The following PAN3 variants were observed in gnomAD, a reference collection of about 807,000 sequenced individuals.
PAN3 encodes the protein poly(A) specific ribonuclease subunit PAN3, also known as PAN2-PAN3 deadenylation complex subunit PAN3.
A neutral mutation model predicts 96.2 loss-of-function variants in PAN3; 19 were observed. That is an observed-to-expected ratio of 0.20 (90% CI 0.14 to 0.29). PAN3 has a LOEUF of 0.29. PAN3 is among the 10% of genes least tolerant of loss of function. PAN3 has a pLI of 1.00. For synonymous variants in PAN3, 433 were observed against 406.6 expected (o/e 1.06, Z -0.78); for missense variants, 882 against 1,108.1 (o/e 0.80, Z 2.90).
At chr13:28,229,880 G>A (rs192389909) in intron 6 of PAN3, among the ~76,000 whole-genome samples, 395 of 152,222 alleles carry the variant, frequency 2.6e-3, no homozygotes, top group Non-Finnish European at 3.2e-3. Context: ...TTGCTTTTCT[G>A]ATGTGTTCCC....
chr13:28,176,574 C>G lies in PAN3; in HGVS notation c.619+15C>G. ...TTCAGCCCATGGTAAGACCTGATCC[C>G]TTTTGCTTATGTGTGTCTGTGTATA... On this transcript the variant is annotated intron_variant, in intron 3 of 18. Coordinates refer to ENST00000380958, the MANE Select transcript of PAN3 (RefSeq NM_175854.8). 6.2e-7 allele frequency: 1 copy of G among 1,609,174 alleles called. No individual in the cohort carries two copies. Among genetic ancestry groups the G allele is most frequent in the Non-Finnish European group, 8.5e-7 (1 of 1,175,722 alleles).
At chr13:28,258,871 T>A (rs909313102) in intron 7 of PAN3, among the ~76,000 whole-genome samples, 19 of 152,238 alleles carry the variant, frequency 1.2e-4, no homozygotes, top group African/African-American at 4.6e-4. Context: ...TATCTCTAGA[T>A]TACTTATAAT....
chr13:28,280,440 C>T lies in PAN3; in HGVS notation c.2218C>T (p.Arg740Ter). 6.2e-7 allele frequency: 1 copy of T among 1,610,678 alleles called. No individual in the cohort carries two copies. Among genetic ancestry groups the T allele is most frequent in the Non-Finnish European group, 8.5e-7 (1 of 1,178,288 alleles). Residue 740 changes from arginine to a stop codon, truncating the protein, a stop_gained, in exon 16 of 19, where the codon CGA (arginine) becomes TGA (stop). Coordinates refer to ENST00000380958, the MANE Select transcript of PAN3 (RefSeq NM_175854.8). LOFTEE classifies it high-confidence loss of function. Reference protein sequence around the residue: ...LYLLTDQNRMRSVNDIMPMIG... With the variant: ...LYLLTDQNRM ...TTTGTTGACTGACCAAAACAGGATGCGAAGTGTAAATGACATCATGCCCAT... is the reference window on the plus strand; with the variant it reads ...TTTGTTGACTGACCAAAACAGGATGTGAAGTGTAAATGACATCATGCCCAT...
chr13:28,235,979 GC>G (rs1161715849), intron 6 of PAN3, among the ~76,000 whole-genome samples: 3 of 151,216 alleles, frequency 2.0e-5, no homozygotes. Flanking sequence ...TGATCCTCCT[GC>G]TTCCACCTCC....
At chr13:28,275,126 A>G (rs1233458642) in intron 14 of PAN3, among the ~76,000 whole-genome samples, 3 of 152,212 alleles carry the variant, frequency 2.0e-5, no homozygotes, top group Admixed American at 6.5e-5. Flanking sequence ...TAGCTGAGAA[A>G]TAAGGAAAGG....
intron 1 of PAN3, among the ~76,000 whole-genome samples, chr13:28,157,542 C>T (rs564629411): frequency 6.6e-6 from 1 of 152,208 alleles, no homozygotes; most frequent in African/African-American, 2.4e-5. Context: ...TACAAAAATC[C>T]GTAGCATATC....
chr13:28,278,647 G>A (rs1257757624), intron 15 of PAN3, among the ~76,000 whole-genome samples: 2 of 151,992 alleles, frequency 1.3e-5, no homozygotes, highest in African/African-American at 4.8e-5. Flanking sequence ...ATTAAACCAT[G>A]TATCGGGCCC....
intron 5 of PAN3, among the ~76,000 whole-genome samples, chr13:28,208,811 A>G (rs1879681758): frequency 6.6e-6 from 1 of 152,214 alleles, no homozygotes; most frequent in African/African-American, 2.4e-5. Flanking sequence ...TTAAATGTAC[A>G]ATCCATGTGA....
intron 1 of PAN3, among the ~76,000 whole-genome samples, chr13:28,144,789 T>C (rs1870403645): frequency 6.7e-6 from 1 of 149,238 alleles, no homozygotes; most frequent in Admixed American, 6.7e-5. Context: ...GGCGCCATCT[T>C]GGCTCACTGC....
chr13:28,268,603 A>C (rs1043277998), intron 12 of PAN3, among the ~76,000 whole-genome samples: 1 of 152,128 alleles, frequency 6.6e-6, no homozygotes, highest in African/African-American at 2.4e-5. Context: ...TCTATTCATT[A>C]ATTTATGTAT....
rs919385357 is a variant in PAN3 at position 28,154,792 on chromosome 13, G to A, written c.430+15705G>A. Among the ~76,000 whole-genome samples the A allele has an allele frequency of 3.3e-5, 5 of 150,966 alleles. No individual in the cohort carries two copies. The South Asian group carries it at 6.3e-4, about 19-fold the overall frequency. ...ATTACAGGTGTGAGCCACCACACTCGGCCTGACTTTGCAGGTTTTTTTTTT... is the reference window on the plus strand; with the variant it reads ...ATTACAGGTGTGAGCCACCACACTCAGCCTGACTTTGCAGGTTTTTTTTTT... On this transcript the variant is annotated intron_variant, in intron 1 of 18. Transcript: ENST00000380958.
At chr13:28,157,480 C>T (rs1872345324) in intron 1 of PAN3, among the ~76,000 whole-genome samples, 1 of 152,180 alleles carries the variant, frequency 6.6e-6, no homozygotes, top group South Asian at 2.1e-4. Flanking sequence ...TGCCCAGAAG[C>T]TCCTAAATCT....
chr13:28,279,644 C>CA (rs1323812340), intron 15 of PAN3, among the ~76,000 whole-genome samples: 4 of 151,134 alleles, frequency 2.6e-5, no homozygotes, highest in Admixed American at 6.6e-5. Flanking sequence ...CCTGTAGTCC[C>CA]AGTTATTCAC....
intron 1 of PAN3, among the ~76,000 whole-genome samples, chr13:28,140,129 A>G (rs766854165): frequency 1.3e-5 from 2 of 152,032 alleles, no homozygotes; most frequent in Non-Finnish European, 2.9e-5. Flanking sequence ...TTGTAGTTTT[A>G]GTTGAGATAG....
intron 6 of PAN3, among the ~76,000 whole-genome samples, chr13:28,231,910 A>AAAAT (rs1353650657): frequency 2.0e-5 from 3 of 152,134 alleles, no homozygotes; most frequent in East Asian, 1.9e-4. Flanking sequence ...TCTGAAAATG[A>AAAAT]AAATAAATAA....
chr13:28,201,461 G>T (rs139491727), intron 5 of PAN3, among the ~76,000 whole-genome samples: 2,079 of 152,192 alleles, frequency 0.014, 46 homozygotes, highest in African/African-American at 0.045. Flanking sequence ...CAGGAGAATG[G>T]TGTGAACCTG....
intron 17 of PAN3, among the ~76,000 whole-genome samples, chr13:28,287,272 G>A (rs1869105750): frequency 6.6e-6 from 1 of 152,040 alleles, no homozygotes; most frequent in South Asian, 2.1e-4. Context: ...TGTAATCATT[G>A]TTTTTACCTA....
chr13:28,164,147 A>G (rs898367507), intron 1 of PAN3, among the ~76,000 whole-genome samples: 2 of 152,192 alleles, frequency 1.3e-5, no homozygotes, highest in African/African-American at 4.8e-5. Flanking sequence ...AAATTCACCT[A>G]TTATAAGTAC....
At chr13:28,213,105 T>C (rs1880250003) in intron 5 of PAN3, among the ~76,000 whole-genome samples, 1 of 152,078 alleles carries the variant, frequency 6.6e-6, no homozygotes, top group Non-Finnish European at 1.5e-5. Flanking sequence ...CATTCTTGGA[T>C]TCAACCAATC....
Sources: gnomAD v4.1 joint callset for allele counts (sites outside exome capture counted in the v4.1 genomes callset) on GRCh38, gnomAD v4.1.1 for gene constraint, MANE v1.5 for transcripts, NCBI Gene and HGNC (gene_info 2026-07-23, HGNC 2026-07-21) for gene names.